Variants in CYRIA observed in about 807,000 individuals in gnomAD.
CYRIA encodes CYFIP related Rac1 interactor A, also known as CYFIP-related Rac1 interactor A.
CYRIA carries 15 observed loss-of-function variants against 43.9 expected under a neutral mutation model. The observed-to-expected ratio is 0.34, with a 90% CI of 0.23 to 0.53. The LOEUF is 0.53. CYRIA is among the 20% of genes least tolerant of loss of function. The pLI is 0.94. For synonymous variants in CYRIA, 117 were observed against 136.0 expected (o/e 0.86, Z 0.97); for missense variants, 236 against 394.2 (o/e 0.60, Z 3.40).
chr2:16,577,569 G>T (rs1667394704), intron 3 of CYRIA, among the ~76,000 whole-genome samples: 1 of 152,176 alleles, frequency 6.6e-6, no homozygotes, highest in African/African-American at 2.4e-5. Context: ...GTGATTTCAA[G>T]TTTGACAGAG....
chr2:16,577,243 A>T (rs570149510), intron 3 of CYRIA, among the ~76,000 whole-genome samples: 2 of 152,218 alleles, frequency 1.3e-5, no homozygotes, highest in South Asian at 4.2e-4. Context: ...TTATTAAGGT[A>T]AAAAAACCTA....
intron 2 of CYRIA, among the ~76,000 whole-genome samples, chr2:16,600,548 T>C (rs1668169704): frequency 6.6e-6 from 1 of 152,216 alleles, no homozygotes; most frequent in Non-Finnish European, 1.5e-5. Flanking sequence ...GAAACAGCAC[T>C]AGTTAAATTA....
chr2:16,605,134 A>C (rs867747462), intron 2 of CYRIA, among the ~76,000 whole-genome samples: 4 of 152,228 alleles, frequency 2.6e-5, no homozygotes, highest in Non-Finnish European at 5.9e-5. Flanking sequence ...TCTAAAAAAA[A>C]AAAACCACGA....
At chr2:16,625,183 G>A (rs1468912967) in intron 1 of CYRIA, among the ~76,000 whole-genome samples, 2 of 152,174 alleles carry the variant, frequency 1.3e-5, no homozygotes, top group African/African-American at 4.8e-5. Context: ...TGTGGGGGAA[G>A]TAGGGGTCTA....
At chr2:16,641,481 G>T (rs2103535481) in intron 1 of CYRIA, among the ~76,000 whole-genome samples, 1 of 152,280 alleles carries the variant, frequency 6.6e-6, no homozygotes, top group African/African-American at 2.4e-5. Context: ...CTTCAGCCAT[G>T]GACTCAACCT....
chr2:16,562,210 C>G, intron 5 of CYRIA, 69 bp from the exon 6 acceptor site: 1 of 1,517,810 alleles, frequency 6.6e-7, no homozygotes, highest in Non-Finnish European at 8.9e-7. Flanking sequence ...AACACAATTC[C>G]CAGCCTCAGT....
chr2:16,609,009 T>G (rs1053847224), intron 2 of CYRIA, among the ~76,000 whole-genome samples: 11 of 151,722 alleles, frequency 7.3e-5, no homozygotes, highest in Non-Finnish European at 1.2e-4. Context: ...AGCCCCATTA[T>G]CCAAAAAAAA....
At chr2:16,619,792 G>C (rs905554874) in intron 2 of CYRIA, among the ~76,000 whole-genome samples, 16 of 152,316 alleles carry the variant, frequency 1.1e-4, no homozygotes, top group Admixed American at 5.9e-4. Flanking sequence ...TGATGAGCAG[G>C]CTGGCTATTT....
intron 1 of CYRIA, among the ~76,000 whole-genome samples, chr2:16,645,510 G>C (rs898866220): frequency 6.6e-6 from 1 of 152,194 alleles, no homozygotes; most frequent in African/African-American, 2.4e-5. Flanking sequence ...TGCGGAGTTA[G>C]AATTGAATGC....
rs567910370 is a variant in CYRIA at position 16,573,722 on chromosome 2, CTCTT to C, written c.71-7959_71-7956del. Among the ~76,000 whole-genome samples, 410 of 152,326 alleles carry C rather than the reference CTCTT, an allele frequency of 2.7e-3. 2 individuals carry two copies. The highest frequency in any genetic ancestry group is 5.0e-3 in the Admixed American group (76 of 15,306). On this transcript the variant is annotated intron_variant, in intron 3 of 11. Transcript: ENST00000381323. ...GAGGAGTTCCCCTGCACAACTCTCTCTCTTTGTCTGCTGCCATCCACGTAAGAAG... is the reference window on the plus strand; with the variant it reads ...GAGGAGTTCCCCTGCACAACTCTCTCTGTCTGCTGCCATCCACGTAAGAAG...
chr2:16,611,445 A>G (rs1438290004), intron 2 of CYRIA, among the ~76,000 whole-genome samples: 2 of 152,270 alleles, frequency 1.3e-5, no homozygotes, highest in Non-Finnish European at 2.9e-5. Flanking sequence ...AGGGCTAAAT[A>G]AAACATGGCT....
intron 1 of CYRIA, among the ~76,000 whole-genome samples, chr2:16,649,500 G>A (rs1159026764): frequency 3.3e-5 from 5 of 151,898 alleles, no homozygotes; most frequent in Non-Finnish European, 7.4e-5. Context: ...ACAGTACAGG[G>A]CATGGCTGTA....
chr2:16,575,595 C>CTTGTA (rs1178975124), intron 3 of CYRIA, among the ~76,000 whole-genome samples: 2 of 152,098 alleles, frequency 1.3e-5, no homozygotes, highest in African/African-American at 4.8e-5. Context: ...GTGGCTCATG[C>CTTGTA]TTGTAATCCC....
chr2:16,561,839 T>C (rs1666745364), intron 6 of CYRIA, among the ~76,000 whole-genome samples, 166 bp downstream of exon 6: 1 of 152,134 alleles, frequency 6.6e-6, no homozygotes, highest in Non-Finnish European at 1.5e-5. Flanking sequence ...TAAATTACTT[T>C]TACCACATGG....
intron 1 of CYRIA, among the ~76,000 whole-genome samples, chr2:16,625,968 G>A (rs2103513922): frequency 6.6e-6 from 1 of 152,108 alleles, no homozygotes; most frequent in East Asian, 1.9e-4. Flanking sequence ...CAGTCAGGCG[G>A]AACACCGGGT....
intron 9 of CYRIA, 39 bp from the exon 10 acceptor site, chr2:16,559,625 C>T (rs1666655463): frequency 6.2e-7 from 1 of 1,602,982 alleles, no homozygotes; most frequent in Non-Finnish European, 8.5e-7. Context: ...ACTTCCTTGT[C>T]AGAACATGTG....
chr2:16,582,370 C>T (rs1304045282), intron 3 of CYRIA, among the ~76,000 whole-genome samples: 2 of 152,084 alleles, frequency 1.3e-5, no homozygotes, highest in Admixed American at 1.3e-4. Flanking sequence ...AATTCACGTG[C>T]CATACGATTT....
At chr2:16,655,311 G>T (rs554515433) in intron 1 of CYRIA, among the ~76,000 whole-genome samples, 1 of 152,152 alleles carries the variant, frequency 6.6e-6, no homozygotes, top group African/African-American at 2.4e-5. Flanking sequence ...ACCAACCCAG[G>T]AATGGCTTTA....
chr2:16,640,946 T>C (rs1475285345), intron 1 of CYRIA, among the ~76,000 whole-genome samples: 2 of 152,038 alleles, frequency 1.3e-5, no homozygotes, highest in Non-Finnish European at 2.9e-5. Context: ...CCGAGGCCAC[T>C]GACCTCAAAA....
Sources: allele counts gnomAD v4.1 joint callset (sites outside exome capture counted in the v4.1 genomes callset), GRCh38; gene constraint gnomAD v4.1.1; transcripts MANE v1.5; gene names NCBI Gene and HGNC (gene_info 2026-07-23, HGNC 2026-07-21).